Variants in PGR observed in about 807,000 individuals in gnomAD.
PGR encodes progesterone receptor, also known as nuclear receptor subfamily 3 group C member 3.
Under a neutral mutation model 76.1 loss-of-function variants are expected in PGR, and 25 were observed. The ratio of observed to expected loss-of-function variants is 0.33; its 90% CI spans 0.24 to 0.46. The LOEUF (loss-of-function observed/expected upper bound fraction) is 0.46. Ranked by LOEUF, PGR falls within the 20% of genes least tolerant of loss-of-function variation. The pLI, the probability that PGR is intolerant of heterozygous loss-of-function variation, is 1.00. For synonymous variants in PGR, 579 were observed against 535.0 expected, an observed-to-expected ratio of 1.08 and a Z score of -1.14; for missense variants, 1,172 against 1,225.3, an observed-to-expected ratio of 0.96 and a Z score of 0.65.
chr11:101,083,510 T>C (rs1861381671), intron 3 of PGR, among the ~76,000 whole-genome samples: 1 of 152,188 alleles, frequency 6.6e-6, no homozygotes, highest in African/African-American at 2.4e-5. Flanking sequence ...AGGCATTCAA[T>C]GCCAGCCTGT....
At chr11:101,046,244 G>A (rs1380122708) in intron 6 of PGR, among the ~76,000 whole-genome samples, 1 of 143,592 alleles carries the variant, frequency 7.0e-6, no homozygotes, top group Non-Finnish European at 1.5e-5. Flanking sequence ...TCCCACCTCA[G>A]TTTCCCGGCT....
chr11:101,091,475 T>C (rs1208559525), intron 3 of PGR, among the ~76,000 whole-genome samples: 1 of 152,178 alleles, frequency 6.6e-6, no homozygotes, highest in East Asian at 1.9e-4. Context: ...CTCCCACACA[T>C]GTTACTTAAT....
Position 101,050,910 on chromosome 11 carries a change from CT to C in PGR, c.2357+513del, listed in dbSNP as rs567769039. 1.7e-3 allele frequency: 389 copies of C among 232,520 alleles called. 2 individuals carry two copies. Among genetic ancestry groups the C allele is most frequent in the African/African-American group, 8.4e-3 (359 of 42,492 alleles). 14.4% of individuals were successfully genotyped at this position (232,520 alleles called of 1,614,324 possible). A position where few individuals can be genotyped will look rare whatever the true frequency, so the allele number is the denominator to read the frequency against. The stretch of plus-strand genomic sequence containing the variant: ...TTATATAAGTGTGAGTTATATACTT[CT>C]AAGTCAGCATTTACCACTAGAACAA... On this transcript the variant is annotated intron_variant, in intron 5 of 7. Transcript: ENST00000325455.
At chr11:101,070,124 C>T (rs6590839) in intron 3 of PGR, among the ~76,000 whole-genome samples, 2,369 of 152,134 alleles carry the variant, frequency 0.016, 64 homozygotes, top group African/African-American at 0.051. Context: ...CTGAGGTACC[C>T]ACCTCATCTC....
At chr11:101,052,347 G>A (rs906812480) in intron 4 of PGR, among the ~76,000 whole-genome samples, 1 of 148,348 alleles carries the variant, frequency 6.7e-6, no homozygotes, top group Non-Finnish European at 1.5e-5. Context: ...TGAATGCTTT[G>A]GTCTTTCATC....
At chr11:101,108,800 C>T (rs1272206677) in intron 2 of PGR, among the ~76,000 whole-genome samples, 3 of 152,166 alleles carry the variant, frequency 2.0e-5, no homozygotes, top group Non-Finnish European at 4.4e-5. Flanking sequence ...ACAAGCATAT[C>T]GTATCTTATT....
At chr11:101,057,264 C>T (rs1280373583) in intron 4 of PGR, among the ~76,000 whole-genome samples, 2 of 152,072 alleles carry the variant, frequency 1.3e-5, no homozygotes, top group Non-Finnish European at 2.9e-5. Context: ...AGTTACAGGT[C>T]AGTCAAAGGA....
intron 2 of PGR, among the ~76,000 whole-genome samples, chr11:101,122,152 C>CAAAAAAA (rs56163757): frequency 9.8e-6 from 1 of 102,366 alleles, no homozygotes; most frequent in Non-Finnish European, 1.9e-5. Flanking sequence ...GACTCCGTCT[C>CAAAAAAA]AAAAAAAAAA....
chr11:101,041,291 C>T (rs1008746734), intron 7 of PGR, among the ~76,000 whole-genome samples: 2 of 152,020 alleles, frequency 1.3e-5, no homozygotes, highest in African/African-American at 4.8e-5. Flanking sequence ...TATGCCTTCA[C>T]TGTCATTTTA....
chr11:101,032,559 G>T lies in PGR; in HGVS notation c.*6557C>A. 1 of 231,534 alleles carries T rather than the reference G, an allele frequency of 4.3e-6. No homozygotes were observed. Among genetic ancestry groups the T allele is most frequent in the Non-Finnish European group, 8.5e-6 (1 of 117,056 alleles). 14.3% of individuals were successfully genotyped at this position (231,534 alleles called of 1,614,324 possible). ...TGTTTGGGATACTCTTCTCTCTTTG[G>T]AATCCCTCCTGTTTGGAATACTCTT... is the stretch of plus-strand genomic sequence containing the variant. On this transcript the variant is annotated 3_prime_UTR_variant, in exon 8 of 8. Transcript: ENST00000325455.
chr11:101,111,178 A>C (rs898424728), intron 2 of PGR, among the ~76,000 whole-genome samples: 1 of 152,206 alleles, frequency 6.6e-6, no homozygotes, highest in African/African-American at 2.4e-5. Context: ...TGTGTCTACT[A>C]TAGTGCCTGG....
rs148270826 is a variant in PGR at position 101,128,932 on chromosome 11, C to T, written c.139G>A (p.Glu47Lys). The T allele has an allele frequency of 1.2e-6, 2 of 1,612,546 alleles. No individual in the cohort carries two copies. The highest frequency in any genetic ancestry group is 1.1e-5 in the South Asian group (1 of 91,050). Residue 47 changes from glutamate (E) to lysine (K), a missense_variant, in exon 1 of 8, where the codon GAA becomes AAA. Glu to Lys is a moderately conservative substitution (Grantham distance 56). Around this residue, in one of 4 missense-constraint regions of PGR, gnomAD observed 893 missense variants for 785.9 expected, o/e 1.14. Coordinates refer to ENST00000325455, the MANE Select transcript of PGR (RefSeq NM_000926.4). The stretch of plus-strand genomic sequence containing the variant: ...AGGGAGATAGGTATGGCCGAAACTT[C>T]AGGCAAGGTGTCCGAGGTCTGGCTC... Reference protein sequence around the residue: ...PGSQTSDTLPEVSAIPISLDG... With the variant: ...PGSQTSDTLPKVSAIPISLDG...
At position 101,126,083 on chromosome 11, in the gene PGR, C is replaced by G; in HGVS notation, c.1713G>C (p.Gly571=). The part of the protein sequence containing the change: ...SLPQKICLIC[G]DEASGCHYGV... Reference sequence around the variant, plus strand: ...CATAATGACAGCCTGATGCTTCATCCCCACAGATTAAACAAATCTTCTGAG... The same window carrying G: ...CATAATGACAGCCTGATGCTTCATCGCCACAGATTAAACAAATCTTCTGAG... Residue 571 remains glycine, a synonymous_variant, in exon 2 of 8, where the codon GGG becomes GGC. Transcript: ENST00000325455. 5 of 1,613,970 alleles carry G rather than the reference C, an allele frequency of 3.1e-6. No individual in the cohort carries two copies. The highest frequency in any genetic ancestry group is 3.4e-6 in the Non-Finnish European group (4 of 1,179,886).
At chr11:101,082,257 G>C (rs115296534) in intron 3 of PGR, among the ~76,000 whole-genome samples, 2,795 of 152,260 alleles carry the variant, frequency 0.018, 61 homozygotes, top group African/African-American at 0.051. Context: ...CTGTGAGTCA[G>C]TTAAAGTTCT....
chr11:101,107,512 A>C (rs1027844796), intron 2 of PGR, among the ~76,000 whole-genome samples: 1 of 152,206 alleles, frequency 6.6e-6, no homozygotes, highest in African/African-American at 2.4e-5. Flanking sequence ...TACACATTAC[A>C]TGCAAAATTT....
chr11:101,074,628 G>A (rs1265175677), intron 3 of PGR, among the ~76,000 whole-genome samples: 2 of 152,148 alleles, frequency 1.3e-5, no homozygotes, highest in Non-Finnish European at 2.9e-5. Context: ...CTTCAGTGAA[G>A]TCTCAGGATA....
intron 3 of PGR, among the ~76,000 whole-genome samples, chr11:101,069,780 C>T (rs1024774387): frequency 1.3e-5 from 2 of 152,034 alleles, no homozygotes; most frequent in Non-Finnish European, 2.9e-5. Flanking sequence ...ACTGCATATT[C>T]TCTCATAAGT....
At chr11:101,093,527 C>T (rs934268087) in intron 2 of PGR, among the ~76,000 whole-genome samples, 1 of 152,158 alleles carries the variant, frequency 6.6e-6, no homozygotes, top group African/African-American at 2.4e-5. Context: ...AAGGCACAGT[C>T]TCGGCTCACC....
At position 101,128,050 on chromosome 11, in the gene PGR, G is replaced by C; in HGVS notation, c.1021C>G (p.Pro341Ala). 1 of 1,604,194 alleles carries C rather than the reference G, an allele frequency of 6.2e-7. No homozygotes were observed. Reference protein sequence around the residue: ...GGAGAASAFAPPRSSPCASST... With the variant: ...GGAGAASAFAAPRSSPCASST... Reference sequence around the variant, plus strand: ...GAGGCACAGGGTGAACTCCGCGGCGGGGCAAAGGCGCTGGCAGCCCCGGCC... The same window carrying C: ...GAGGCACAGGGTGAACTCCGCGGCGCGGCAAAGGCGCTGGCAGCCCCGGCC... Residue 341 changes from proline (P) to alanine (A), a missense_variant, in exon 1 of 8, where the codon CCG becomes GCG. Pro to Ala is a conservative substitution (Grantham distance 27). Around this residue, in one of 4 missense-constraint regions of PGR, gnomAD observed 893 missense variants for 785.9 expected, o/e 1.14. Coordinates refer to ENST00000325455, the MANE Select transcript of PGR (RefSeq NM_000926.4).
Sources: allele counts gnomAD v4.1 joint callset (sites outside exome capture counted in the v4.1 genomes callset), GRCh38; gene constraint gnomAD v4.1.1; regional missense constraint gnomAD v4.1.1; transcripts MANE v1.5; gene names NCBI Gene and HGNC (gene_info 2026-07-23, HGNC 2026-07-21).